The following DOCK1 variants were observed in gnomAD, a reference collection of about 807,000 sequenced individuals.
DOCK1 encodes dedicator of cytokinesis protein 1.
A neutral mutation model predicts 262.7 loss-of-function variants in DOCK1; 138 were observed. The observed-to-expected ratio is 0.53, with a 90% CI of 0.46 to 0.61. DOCK1 has a LOEUF of 0.61. Ranked by LOEUF, DOCK1 falls within the 20% of genes least tolerant of loss-of-function variation. The pLI, the probability that DOCK1 is intolerant of heterozygous loss-of-function variation, is 0.00. For synonymous variants in DOCK1, 866 were observed against 867.4 expected (o/e 1.00, Z 0.03); for missense variants, 1,908 against 2,370.7 (o/e 0.80, Z 4.05).
chr10:127,278,053 C>T (rs1440320159), intron 29 of DOCK1, among the ~76,000 whole-genome samples: 3 of 151,384 alleles, frequency 2.0e-5, no homozygotes, highest in Admixed American at 1.3e-4. Context: ...TGCGCACACG[C>T]TTCCCTCTTA....
chr10:127,112,532 A>G (rs775981520), intron 25 of DOCK1, among the ~76,000 whole-genome samples: 29 of 152,212 alleles, frequency 1.9e-4, no homozygotes, highest in Non-Finnish European at 3.5e-4. Flanking sequence ...GATGTGAATA[A>G]CTGCTTAGCT....
chr10:127,376,407 C>A (rs1196911880), intron 35 of DOCK1, among the ~76,000 whole-genome samples: 1 of 152,156 alleles, frequency 6.6e-6, no homozygotes, highest in Non-Finnish European at 1.5e-5. Flanking sequence ...TGATGTCTGG[C>A]CCTGAGGTCT....
At chr10:126,985,429 A>G (rs4751460) in intron 4 of DOCK1, among the ~76,000 whole-genome samples, 10,259 of 152,216 alleles carry the variant, frequency 0.067, 358 homozygotes, top group Middle Eastern at 0.11. Flanking sequence ...AGCCAGATCA[A>G]ATGTGTTAAT....
intron 16 of DOCK1, among the ~76,000 whole-genome samples, chr10:127,028,552 A>T (rs1206603988): frequency 6.6e-6 from 1 of 152,140 alleles, no homozygotes; most frequent in East Asian, 1.9e-4. Context: ...CTTTGGTTCT[A>T]AGCCAGGTCC....
In DOCK1 at chr10:127,062,000, G is replaced by C. The variant is rs2045567533; in HGVS notation, c.2445+224G>C. On this transcript the variant is annotated intron_variant, in intron 23 of 51. Transcript: ENST00000623213. ...TGCCCATGCTGGAGTGCAGTGGTGT[G>C]ATCTCAGCTCACTGCAACCTCTGCC... 4.6e-5 allele frequency among the ~76,000 whole-genome samples: 6 copies of C among 129,290 alleles called. No individual in the cohort carries two copies. The Admixed American group carries it at 5.5e-4, about 12-fold the overall frequency. The allele number at this position is 129,290 out of a possible 152,430, so 84.8% of individuals were successfully genotyped here. A position where few individuals can be genotyped will look rare whatever the true frequency, so the allele number is the denominator to read the frequency against.
At chr10:127,007,114 C>T (rs2041089889) in intron 10 of DOCK1, among the ~76,000 whole-genome samples, 1 of 152,152 alleles carries the variant, frequency 6.6e-6, no homozygotes, top group African/African-American at 2.4e-5. Context: ...GAGCAGCTGT[C>T]ATTTGATGTT....
At chr10:127,286,110 G>C (rs1038752532) in intron 29 of DOCK1, among the ~76,000 whole-genome samples, 2 of 152,126 alleles carry the variant, frequency 1.3e-5, no homozygotes, top group Non-Finnish European at 2.9e-5. Context: ...ATAACTCCAT[G>C]TGTAGGCCTG....
chr10:127,407,852 C>A (rs973898655), intron 40 of DOCK1, among the ~76,000 whole-genome samples: 4 of 152,100 alleles, frequency 2.6e-5, no homozygotes, highest in African/African-American at 9.7e-5. Flanking sequence ...CCCCAGACTT[C>A]TGTTTCTTGT....
intron 21 of DOCK1, among the ~76,000 whole-genome samples, chr10:127,046,382 G>A (rs149494745): frequency 8.1e-4 from 123 of 152,264 alleles, no homozygotes; most frequent in Middle Eastern, 3.4e-3. Context: ...GTGTGACTCT[G>A]AGAGCATCAG....
At chr10:126,975,390 A>G (rs2134739456) in intron 2 of DOCK1, among the ~76,000 whole-genome samples, 1 of 152,122 alleles carries the variant, frequency 6.6e-6, no homozygotes, top group East Asian at 1.9e-4. Context: ...GGGTGTGGAG[A>G]TGTAGACTTT....
At chr10:126,942,744 C>A (rs2134267035) in intron 1 of DOCK1, among the ~76,000 whole-genome samples, 1 of 152,152 alleles carries the variant, frequency 6.6e-6, no homozygotes, top group Non-Finnish European at 1.5e-5. Flanking sequence ...ATGATCTGTC[C>A]TGTTGGGAAG....
chr10:127,177,028 C>A (rs2055226086), intron 27 of DOCK1: 1 of 151,986 alleles, frequency 6.6e-6, no homozygotes, highest in African/African-American at 2.4e-5. Context: ...GAGGGGTGGT[C>A]GCTTCTCATG....
rs1335511518 is a variant in DOCK1 at position 127,426,031 on chromosome 10, A to C, written c.4914+20A>C. The C allele has an allele frequency of 6.2e-6, 10 of 1,613,364 alleles. No homozygotes were observed. In the Admixed American group the frequency reaches 1.5e-4, roughly 24 times the overall value. ...ATCATGGTAAGAGGGTAGTATGCGT[A>C]GTGTTGCAGAAGAGTGGGTGTCTGG... is the stretch of plus-strand genomic sequence containing the variant. On this transcript the variant is annotated intron_variant, in intron 47 of 51. Transcript: ENST00000623213.
intron 11 of DOCK1, among the ~76,000 whole-genome samples, chr10:127,011,790 T>A (rs753733502): frequency 6.6e-6 from 1 of 152,182 alleles, no homozygotes; most frequent in Non-Finnish European, 1.5e-5. Context: ...AGGGATTTTT[T>A]TTTTTTTAAA....
chr10:127,430,252 C>T (rs559166635), intron 47 of DOCK1, among the ~76,000 whole-genome samples: 35 of 152,322 alleles, frequency 2.3e-4, no homozygotes, highest in African/African-American at 8.2e-4. Context: ...CCTCTCTCGC[C>T]CTCCCTCCAC....
intron 12 of DOCK1, 125 bp from the exon 13 acceptor site, chr10:127,018,585 C>CA (rs2042182097): frequency 1.4e-6 from 2 of 1,475,746 alleles, no homozygotes; most frequent in African/African-American, 1.4e-5. Context: ...CTCATATACC[C>CA]ACCTTTTCTC....
intron 11 of DOCK1, among the ~76,000 whole-genome samples, chr10:127,011,331 G>A (rs943186281): frequency 1.3e-5 from 2 of 152,180 alleles, no homozygotes; most frequent in African/African-American, 4.8e-5. Context: ...TTTTAGAGAA[G>A]GAAGCACATT....
At chr10:127,336,694 C>T (rs920485486) in intron 29 of DOCK1, among the ~76,000 whole-genome samples, 6 of 152,116 alleles carry the variant, frequency 3.9e-5, no homozygotes, top group East Asian at 3.9e-4. Context: ...TGCCCGCCAC[C>T]ACACCCAGCT....
At chr10:127,433,535 G>A (rs1443485283) in intron 48 of DOCK1, 107 bp downstream of exon 48, 1 of 1,380,272 alleles carries the variant, frequency 7.2e-7, no homozygotes, top group African/African-American at 1.4e-5. Context: ...AGGATTTTGT[G>A]TTCATCAAAA....
Sources: allele counts gnomAD v4.1 joint callset (sites outside exome capture counted in the v4.1 genomes callset), GRCh38; gene constraint gnomAD v4.1.1; transcripts MANE v1.5; gene names NCBI Gene and HGNC (gene_info 2026-07-23, HGNC 2026-07-21).